SNTG1: variants seen among roughly 807,000 people sequenced by gnomAD.
SNTG1 encodes the protein syntrophin gamma 1.
A neutral mutation model predicts 74.7 loss-of-function variants in SNTG1; 39 were observed. The observed-to-expected ratio is 0.52, with a 90% CI of 0.40 to 0.68. The LOEUF (loss-of-function observed/expected upper bound fraction) is 0.68. Among genes scored for constraint, SNTG1 ranks in the 30% least tolerant of loss-of-function variants. The pLI, the probability that SNTG1 is intolerant of heterozygous loss-of-function variation, is 0.00. For missense variants in SNTG1, 685 were observed against 609.5 expected (o/e 1.12, Z -1.30); for synonymous variants, 254 against 217.1 (o/e 1.17, Z -1.49).
At chr8:50,646,022 A>G (rs1388089835) in intron 13 of SNTG1, among the ~76,000 whole-genome samples, 1 of 152,202 alleles carries the variant, frequency 6.6e-6, no homozygotes, top group Non-Finnish European at 1.5e-5. Context: ...TCGTTAAAAA[A>G]AGAATATTTC....
At chr8:50,081,726 C>T (rs562724930) in intron 1 of SNTG1, among the ~76,000 whole-genome samples, 50 of 152,108 alleles carry the variant, frequency 3.3e-4, no homozygotes, top group Non-Finnish European at 5.3e-4. Context: ...CTCTGCCTCC[C>T]GAGTTCAAGT....
intron 2 of SNTG1, among the ~76,000 whole-genome samples, chr8:50,288,540 A>G (rs770339669): frequency 1.7e-4 from 26 of 152,202 alleles, no homozygotes; most frequent in Admixed American, 6.5e-4. Flanking sequence ...TGACAAACCC[A>G]GCACTCTACT....
chr8:50,146,943 T>C (rs1482697634), intron 1 of SNTG1, among the ~76,000 whole-genome samples: 1 of 152,182 alleles, frequency 6.6e-6, no homozygotes, highest in African/African-American at 2.4e-5. Flanking sequence ...GATTTGCAAA[T>C]ATTTTCTCTC....
At chr8:50,646,957 A>C (rs944624277) in intron 13 of SNTG1, among the ~76,000 whole-genome samples, 1 of 152,184 alleles carries the variant, frequency 6.6e-6, no homozygotes, top group Non-Finnish European at 1.5e-5. Flanking sequence ...GAATACAACA[A>C]AAAAGGTGAT....
intron 2 of SNTG1, among the ~76,000 whole-genome samples, chr8:50,339,380 A>G (rs2091250297): frequency 6.6e-6 from 1 of 151,988 alleles, no homozygotes; most frequent in African/African-American, 2.4e-5. Context: ...AATAAATAAA[A>G]ACAAGATCTT....
At chr8:50,577,400 T>A (rs1208263240) in intron 12 of SNTG1, among the ~76,000 whole-genome samples, 1 of 152,062 alleles carries the variant, frequency 6.6e-6, no homozygotes, top group Non-Finnish European at 1.5e-5. Context: ...TTTCTTAGTA[T>A]TTTGTTGAGG....
chr8:50,430,808 G>C (rs1587601787), intron 4 of SNTG1, among the ~76,000 whole-genome samples: 2 of 152,170 alleles, frequency 1.3e-5, no homozygotes, highest in East Asian at 1.9e-4. Flanking sequence ...TCTTACAACA[G>C]AGATGGTAAA....
rs1259255273 is a variant in SNTG1, at chr8:49,994,380, A to G, written c.-103+82149A>G. The stretch of plus-strand genomic sequence containing the variant: ...AAGTGATTCTCCAGTCTCAGCTTCC[A>G]TAGTAGCTGGGGTTACAGGCACCCG... On this transcript the variant is annotated intron_variant, in intron 1 of 18. Transcript: ENST00000642720. 8.9e-5 allele frequency among the ~76,000 whole-genome samples: 13 copies of G among 146,522 alleles called. No individual in the cohort carries two copies. In the Admixed American group the frequency reaches 8.9e-4, roughly 10 times the overall value.
Position 50,593,173 on chromosome 8 carries a change from T to C in SNTG1, c.849+2256T>C, listed in dbSNP as rs539827704. On this transcript the variant is annotated intron_variant, in intron 13 of 18. Coordinates refer to ENST00000642720, the MANE Select transcript of SNTG1 (RefSeq NM_018967.5). ...GCTCCCTGAGATTTGATTTTCAATTTGTGCTACCCAGATGGTACCACTACC... is the reference window on the plus strand; with the variant it reads ...GCTCCCTGAGATTTGATTTTCAATTCGTGCTACCCAGATGGTACCACTACC... Among the ~76,000 whole-genome samples, 5 of 152,290 alleles carry C rather than the reference T, an allele frequency of 3.3e-5. No individual in the cohort carries two copies. The East Asian group carries it at 9.7e-4, about 29-fold the overall frequency.
At position 50,490,183 on chromosome 8, in the gene SNTG1, A is replaced by G. The variant is rs182762985; in HGVS notation, c.364-12595A>G. Among the ~76,000 whole-genome samples, 277 of 152,274 alleles carry G rather than the reference A, an allele frequency of 1.8e-3. 4 individuals are homozygous for G. The highest frequency in any genetic ancestry group is 6.3e-3 in the African/African-American group (261 of 41,560). ...GTTTTGGTTACTGTAGCCTTGTACT[A>G]TAGTTCGAAATCAAGTAACATGATG... is the stretch of plus-strand genomic sequence containing the variant. On this transcript the variant is annotated intron_variant, in intron 8 of 18. Transcript: ENST00000642720.
intron 18 of SNTG1, among the ~76,000 whole-genome samples, chr8:50,768,115 C>T (rs1271574910): frequency 6.6e-6 from 1 of 151,922 alleles, no homozygotes; most frequent in African/African-American, 2.4e-5. Context: ...TCGGAGGCTC[C>T]TTTTCCCCAA....
At chr8:50,272,875 T>A (rs2087860015) in intron 2 of SNTG1, among the ~76,000 whole-genome samples, 1 of 149,544 alleles carries the variant, frequency 6.7e-6, no homozygotes, top group African/African-American at 2.5e-5. Context: ...TAGCTGTGAC[T>A]GCAGGTGTGT....
chr8:50,368,929 C>A (rs989227794), intron 2 of SNTG1, among the ~76,000 whole-genome samples: 2 of 152,084 alleles, frequency 1.3e-5, no homozygotes, highest in African/African-American at 4.8e-5. Context: ...ATAACTTGTC[C>A]GTTTCACAGG....
chr8:50,301,294 T>C (rs1007132234), intron 2 of SNTG1, among the ~76,000 whole-genome samples: 3 of 152,152 alleles, frequency 2.0e-5, no homozygotes, highest in African/African-American at 4.8e-5. Flanking sequence ...TGAGTGATCT[T>C]TACTGATTTA....
At chr8:50,215,417 T>C (rs1361572569) in intron 2 of SNTG1, among the ~76,000 whole-genome samples, 3 of 147,340 alleles carry the variant, frequency 2.0e-5, no homozygotes, top group South Asian at 4.2e-4. Context: ...ATATATACTA[T>C]ATATATTTTA....
chr8:50,682,075 A>G (rs1472907), intron 15 of SNTG1, among the ~76,000 whole-genome samples: 88,459 of 152,032 alleles, frequency 0.58, 28,115 homozygotes, highest in Non-Finnish European at 0.7. Context: ...TGGTACCAAA[A>G]AGAAGAAATA....
intron 4 of SNTG1, among the ~76,000 whole-genome samples, chr8:50,404,366 C>T (rs1183930658): frequency 6.6e-6 from 1 of 152,070 alleles, no homozygotes; most frequent in African/African-American, 2.4e-5. Context: ...ATATTCCAAA[C>T]CAGTCAAAAC....
chr8:49,958,432 T>A (rs1810378654), intron 1 of SNTG1, among the ~76,000 whole-genome samples: 1 of 151,942 alleles, frequency 6.6e-6, no homozygotes, highest in Non-Finnish European at 1.5e-5. Flanking sequence ...TCTTTCTTTT[T>A]TTTTTTTTGG....
At chr8:50,177,904 A>G (rs578221199) in intron 2 of SNTG1, among the ~76,000 whole-genome samples, 18 of 152,270 alleles carry the variant, frequency 1.2e-4, no homozygotes, top group African/African-American at 4.3e-4. Context: ...CTGGAAACCA[A>G]TGATCTTTTC....
Sources: allele counts gnomAD v4.1 joint callset (sites outside exome capture counted in the v4.1 genomes callset), GRCh38; gene constraint gnomAD v4.1.1; transcripts MANE v1.5; gene names NCBI Gene and HGNC (gene_info 2026-07-23, HGNC 2026-07-21).